Variants in KRTAP10-1 observed in about 807,000 individuals in gnomAD.
KRTAP10-1 encodes keratin-associated protein 10-1.
For synonymous variants in KRTAP10-1, 155 were observed against 153.3 expected (o/e 1.01, Z -0.08); for missense variants, 364 against 369.2 (o/e 0.99, Z 0.12).
At position 44,540,117 on chromosome 21, in the gene KRTAP10-1, C is replaced by T. The variant is rs782420165; in HGVS notation, c.34G>A (p.Ala12Thr). 20 of 1,613,604 alleles carry T rather than the reference C, an allele frequency of 1.2e-5. No individual in the cohort carries two copies. The highest frequency in any genetic ancestry group is 1.2e-4 in the Admixed American group (7 of 59,996). ...TCCACCTGCCAGGAGTCGGAGCAAG[C>T]GCTGGAGCAGACGGACATGGTGGAC... ...AASTMSVCSS[A>T]CSDSWQVDAC... Residue 12 changes from alanine (A) to threonine (T), a missense_variant, in exon 1 of 1, where the codon GCT becomes ACT. Coordinates refer to ENST00000400375, the MANE Select transcript of KRTAP10-1 (RefSeq NM_198691.3).
At position 44,538,999 on chromosome 21, in the gene KRTAP10-1, T is replaced by A; in HGVS notation, c.*303A>T. ...AAGAGAATCAGGTGACCAAGGAGAG[T>A]TTATTGGGGAGCAGGAGGAGGTGCT... On this transcript the variant is annotated 3_prime_UTR_variant, in exon 1 of 1. Coordinates refer to ENST00000400375, the MANE Select transcript of KRTAP10-1 (RefSeq NM_198691.3). The A allele has an allele frequency of 5.8e-6, 3 of 521,494 alleles. No homozygotes were observed. Among genetic ancestry groups the A allele is most frequent in the South Asian group, 2.8e-5 (1 of 35,924 alleles). 32.3% of individuals were successfully genotyped at this position (521,494 alleles called of 1,614,324 possible).
chr21:44,539,848 C>T lies in KRTAP10-1; in HGVS notation c.303G>A (p.Val101=). Residue 101 remains valine, a synonymous_variant, in exon 1 of 1, where the codon GTG becomes GTA. Transcript: ENST00000400375. ...TSSPCQQACC[V]PVCCKPVCCL... is the part of the protein sequence containing the mutation. ...AGCACACAGGCTTGCAGCAGACGGG[C>T]ACGCAGCAGGCCTGCTGGCAGGGGG... 1 of 1,576,028 alleles carries T rather than the reference C, an allele frequency of 6.3e-7. No homozygotes were observed. Among genetic ancestry groups the T allele is most frequent in the African/African-American group, 1.4e-5 (1 of 73,336 alleles).
rs377055136 is a variant in KRTAP10-1 at position 44,539,474 on chromosome 21, C to T, written c.677G>A (p.Cys226Tyr). 7.4e-6 allele frequency: 12 copies of T among 1,613,638 alleles called. No individual in the cohort carries two copies. The African/African-American group carries it at 1.6e-4, about 22-fold the overall frequency. The change falls in exon 1 of 1, where the codon TGC (cysteine) becomes TAC (tyrosine). Residue 226 changes from cysteine (C) to tyrosine (Y), a missense_variant. By Grantham distance (194) the Cys-to-Tyr change is radical. Coordinates refer to ENST00000400375, the MANE Select transcript of KRTAP10-1 (RefSeq NM_198691.3). The stretch of plus-strand genomic sequence containing the variant: ...GAGGGACACGGAGGAGGAGGGTCTG[C>T]AGCAGGAGGTGGTGCAGCAAGCCGG... The part of the protein sequence containing the change: ...CQPACCTTSC[C>Y]RPSSSVSLLC...
rs782541737 is a variant in KRTAP10-1, at chr21:44,539,894, T to A, written c.257A>T (p.Gln86Leu). The change falls in exon 1 of 1, where the codon CAG (glutamine) becomes CTG (leucine). Residue 86 changes from glutamine to leucine, a missense_variant. By Grantham distance (113) the Gln-to-Leu change is moderately radical (BLOSUM62 -2). Transcript: ENST00000400375. ...GGGGGAGGAGGTGCAGCAAGCCGGCTGGCAGCTAGACTGCTGGCAGCACGA... is the reference window on the plus strand; with the variant it reads ...GGGGGAGGAGGTGCAGCAAGCCGGCAGGCAGCTAGACTGCTGGCAGCACGA... ...TPSCCQQSSC[Q>L]PACCTSSPCQ... is the part of the protein sequence containing the mutation. The A allele has an allele frequency of 1.1e-5, 17 of 1,613,950 alleles. No individual in the cohort carries two copies. The highest frequency in any genetic ancestry group is 8.3e-5 in the Admixed American group (5 of 59,996).
At position 44,540,096 on chromosome 21, in the gene KRTAP10-1, C is replaced by G; in HGVS notation, c.55G>C (p.Val19Leu). 1.2e-6 allele frequency: 2 copies of G among 1,613,774 alleles called. No homozygotes were observed. The highest frequency in any genetic ancestry group is 8.5e-7 in the Non-Finnish European group (1 of 1,179,958). Residue 19 changes from valine (V) to leucine (L), a missense_variant, in exon 1 of 1, where the codon GTG (valine) becomes CTG (leucine). By Grantham distance (32) the Val-to-Leu change is conservative. Coordinates refer to ENST00000400375, the MANE Select transcript of KRTAP10-1 (RefSeq NM_198691.3). ...CSSACSDSWQ[V>L]DACPESCCEP... ...CAGCAGCTCTCTGGGCAGGCATCCA[C>G]CTGCCAGGAGTCGGAGCAAGCGCTG...
chr21:44,539,554 A>C lies in KRTAP10-1; in HGVS notation c.597T>G (p.Cys199Trp). ...CKPVCCKPICCVPVCSGASTS... is the reference protein window; with the variant it reads ...CKPVCCKPICWVPVCSGASTS... The stretch of plus-strand genomic sequence containing the variant: ...TGGAAGCCCCAGAGCAGACGGGCAC[A>C]CAGCAGATGGGCTTGCAGCAGACAG... The change falls in exon 1 of 1, where the codon TGT becomes TGG. Residue 199 changes from cysteine (C) to tryptophan (W), a missense_variant. Coordinates refer to ENST00000400375, the MANE Select transcript of KRTAP10-1 (RefSeq NM_198691.3). 6.2e-7 allele frequency: 1 copy of C among 1,613,442 alleles called. No individual in the cohort carries two copies. Among genetic ancestry groups the C allele is most frequent in the African/African-American group, 1.3e-5 (1 of 74,794 alleles).
rs2146000408 is a variant in KRTAP10-1 at position 44,539,244 on chromosome 21, C to T, written c.*58G>A. 6.3e-7 allele frequency: 1 copy of T among 1,577,236 alleles called. No homozygotes were observed. Among genetic ancestry groups the T allele is most frequent in the East Asian group, 2.2e-5 (1 of 44,596 alleles). ...ACCTAACCCAGGTCAGGAACTGAGC[C>T]CAGCTGGCCCAGGGCGGGTGCCCAT... On this transcript the variant is annotated 3_prime_UTR_variant, in exon 1 of 1. Coordinates refer to ENST00000400375, the MANE Select transcript of KRTAP10-1 (RefSeq NM_198691.3).
In KRTAP10-1 at chr21:44,539,436, C is replaced by T. The variant is rs200858515; in HGVS notation, c.715G>A (p.Val239Ile). Reference sequence around the variant, plus strand: ...GGCATACAGCAGGCGGGCCGGCATACAGGGCGGCAGAGGAGGGACACGGAG... The same window carrying T: ...GGCATACAGCAGGCGGGCCGGCATATAGGGCGGCAGAGGAGGGACACGGAG... Reference protein sequence around the residue: ...SSSVSLLCRPVCRPACCMPVS... With the variant: ...SSSVSLLCRPICRPACCMPVS... The change falls in exon 1 of 1, where the codon GTA (valine) becomes ATA (isoleucine). Residue 239 changes from valine (V) to isoleucine (I), a missense_variant. Transcript: ENST00000400375. 2,484 of 1,602,946 alleles carry T rather than the reference C, an allele frequency of 1.5e-3. 1 individual carries two copies. The highest frequency in any genetic ancestry group is 1.9e-3 in the Non-Finnish European group (2,196 of 1,170,494).
Position 44,539,126 on chromosome 21 carries a change from G to A in KRTAP10-1, c.*176C>T. On this transcript the variant is annotated 3_prime_UTR_variant, in exon 1 of 1. Transcript: ENST00000400375. Reference sequence around the variant, plus strand: ...GGCACCTGCTGGAAGGCAAGAGCTGGGGAGCTGCAAGGATGGAGGCTCCTG... The same window carrying A: ...GGCACCTGCTGGAAGGCAAGAGCTGAGGAGCTGCAAGGATGGAGGCTCCTG... 8.8e-7 allele frequency: 1 copy of A among 1,132,796 alleles called. No homozygotes were observed. 70.2% of individuals were successfully genotyped at this position (1,132,796 alleles called of 1,614,324 possible).
chr21:44,539,580 G>A lies in KRTAP10-1; in HGVS notation c.571C>T (p.Pro191Ser). 1.2e-6 allele frequency: 2 copies of A among 1,613,614 alleles called. No individual in the cohort carries two copies. The highest frequency in any genetic ancestry group is 1.7e-6 in the Non-Finnish European group (2 of 1,179,872). Reference sequence around the variant, plus strand: ...CAGCAGATGGGCTTGCAGCAGACAGGCTTGCAACGGACGGGCACGCAGCAG... The same window carrying A: ...CAGCAGATGGGCTTGCAGCAGACAGACTTGCAACGGACGGGCACGCAGCAG... ...QACCVPVRCK[P>S]VCCKPICCVP... Residue 191 changes from proline (P) to serine (S), a missense_variant, in exon 1 of 1, where the codon CCT becomes TCT. Transcript: ENST00000400375.
Position 44,539,178 on chromosome 21 carries a change from C to G in KRTAP10-1, c.*124G>C. On this transcript the variant is annotated 3_prime_UTR_variant, in exon 1 of 1. Transcript: ENST00000400375. Reference sequence around the variant, plus strand: ...GAGCAAGGAGGGGGGGTCACCTCAGCACAGGGGAGACACGGGGACCCGTCC... The same window carrying G: ...GAGCAAGGAGGGGGGGTCACCTCAGGACAGGGGAGACACGGGGACCCGTCC... 1 of 1,463,878 alleles carries G rather than the reference C, an allele frequency of 6.8e-7. No homozygotes were observed. The highest frequency in any genetic ancestry group is 1.3e-5 in the South Asian group (1 of 74,202). 90.7% of individuals were successfully genotyped at this position (1,463,878 alleles called of 1,614,324 possible). A position where few individuals can be genotyped will look rare whatever the true frequency, so the allele number is the denominator to read the frequency against.
rs781978477 is a variant in KRTAP10-1, at chr21:44,540,163, AGGAGGTGAGCTGCG to A, written c.-27_-14del. ...TGGACGCGGCCATGCTGGGGTGGGG[AGGAGGTGAGCTGCG>A]GGAGGTGTGAGTGAGTGAGTGTGGG... On this transcript the variant is annotated 5_prime_UTR_variant, in exon 1 of 1. Transcript: ENST00000400375. 1.4e-5 allele frequency: 23 copies of A among 1,610,092 alleles called. No homozygotes were observed. In the South Asian group the frequency reaches 2.5e-4, roughly 18 times the overall value.
At position 44,539,938 on chromosome 21, in the gene KRTAP10-1, G is replaced by A. The variant is rs142496686; in HGVS notation, c.213C>T (p.Cys71=). Reference sequence around the variant, plus strand: ...AGCACGAGGGCGTGCAGGAGCTGGTGCAGCCTGATTGGCAGGGGCTGGGCT... The same window carrying A: ...AGCACGAGGGCGTGCAGGAGCTGGTACAGCCTGATTGGCAGGGGCTGGGCT... The part of the protein sequence containing the change: ...ACEPSPCQSG[C]TSSCTPSCCQ... The change falls in exon 1 of 1, where the codon TGC becomes TGT. Residue 71 remains cysteine (C), a synonymous_variant. Coordinates refer to ENST00000400375, the MANE Select transcript of KRTAP10-1 (RefSeq NM_198691.3). 7,050 of 1,613,744 alleles carry A rather than the reference G, an allele frequency of 4.4e-3. 240 individuals carry two copies. In the African/African-American group the frequency reaches 0.081, roughly 18 times the overall value.
Position 44,540,069 on chromosome 21 carries a change from C to T in KRTAP10-1, c.82G>A (p.Glu28Lys), listed in dbSNP as rs782783233. 5.0e-6 allele frequency: 8 copies of T among 1,613,440 alleles called. No individual in the cohort carries two copies. The South Asian group carries it at 7.7e-5, about 16-fold the overall frequency. Residue 28 changes from glutamate (E) to lysine (K), a missense_variant, in exon 1 of 1, where the codon GAG becomes AAG. By Grantham distance (56) the Glu-to-Lys change is moderately conservative. Coordinates refer to ENST00000400375, the MANE Select transcript of KRTAP10-1 (RefSeq NM_198691.3). Reference protein sequence around the residue: ...QVDACPESCCEPHCCALSCCA... With the variant: ...QVDACPESCCKPHCCALSCCA... The stretch of plus-strand genomic sequence containing the variant: ...CAGCTGAGGGCGCAGCAGTGGGGCT[C>T]ACAGCAGCTCTCTGGGCAGGCATCC...
Position 44,539,631 on chromosome 21 carries a change from A to G in KRTAP10-1, c.520T>C (p.Cys174Arg), listed in dbSNP as rs2053171047. 6.2e-7 allele frequency: 1 copy of G among 1,613,464 alleles called. No individual in the cohort carries two copies. Among genetic ancestry groups the G allele is most frequent in the African/African-American group, 1.3e-5 (1 of 74,798 alleles). ...GCCTGCTGGCAGGGGGAGGAGGTGC[A>G]GCAAGCTGGATGGCAGCTAGACTGC... is the stretch of plus-strand genomic sequence containing the variant. The part of the protein sequence containing the change: ...CQQSSCHPAC[C>R]TSSPCQQACC... The change falls in exon 1 of 1, where the codon TGC (cysteine) becomes CGC (arginine). Residue 174 changes from cysteine to arginine, a missense_variant. Cys to Arg is a radical substitution (Grantham distance 180). Transcript: ENST00000400375.
Position 44,540,062 on chromosome 21 carries a change from T to G in KRTAP10-1, c.89A>C (p.His30Pro), listed in dbSNP as rs140753192. Residue 30 changes from histidine to proline, a missense_variant, in exon 1 of 1, where the codon CAC becomes CCC. Physicochemically the swap from His to Pro is moderately conservative, Grantham distance 77. Coordinates refer to ENST00000400375, the MANE Select transcript of KRTAP10-1 (RefSeq NM_198691.3). ...DACPESCCEP[H>P]CCALSCCAPA... Reference sequence around the variant, plus strand: ...GGCGCAGCAGCTGAGGGCGCAGCAGTGGGGCTCACAGCAGCTCTCTGGGCA... The same window carrying G: ...GGCGCAGCAGCTGAGGGCGCAGCAGGGGGGCTCACAGCAGCTCTCTGGGCA... The G allele has an allele frequency of 3.8e-3, 6,138 of 1,612,956 alleles. 24 individuals are homozygous for G. Among genetic ancestry groups the G allele is most frequent in the Middle Eastern group, 0.024 (135 of 5,680 alleles).
At position 44,539,651 on chromosome 21, in the gene KRTAP10-1, G is replaced by A. The variant is rs2053171678; in HGVS notation, c.500C>T (p.Ser167Phe). 3 of 1,596,266 alleles carry A rather than the reference G, an allele frequency of 1.9e-6. No individual in the cohort carries two copies. Among genetic ancestry groups the A allele is most frequent in the Non-Finnish European group, 2.6e-6 (3 of 1,170,484 alleles). The change falls in exon 1 of 1, where the codon TCT becomes TTT. Residue 167 changes from serine to phenylalanine, a missense_variant. Physicochemically the swap from Ser to Phe is radical, Grantham distance 155. Transcript: ENST00000400375. ...GGTGCAGCAAGCTGGATGGCAGCTAGACTGCTGGCAGCATGAAGAGGAATC... is the reference window on the plus strand; with the variant it reads ...GGTGCAGCAAGCTGGATGGCAGCTAAACTGCTGGCAGCATGAAGAGGAATC... ...SEDSSSCCQQSSCHPACCTSS... is the reference protein window; with the variant it reads ...SEDSSSCCQQFSCHPACCTSS...
At position 44,539,625 on chromosome 21, in the gene KRTAP10-1, A is replaced by C. The variant is rs782121574; in HGVS notation, c.526T>G (p.Ser176Ala). ...QSSCHPACCT[S>A]SPCQQACCVP... ...CAGCAGGCCTGCTGGCAGGGGGAGG[A>C]GGTGCAGCAAGCTGGATGGCAGCTA... The change falls in exon 1 of 1, where the codon TCC (serine) becomes GCC (alanine). Residue 176 changes from serine (S) to alanine (A), a missense_variant. By Grantham distance (99) the Ser-to-Ala change is moderately conservative. Transcript: ENST00000400375. 5 of 1,612,662 alleles carry C rather than the reference A, an allele frequency of 3.1e-6. No individual in the cohort carries two copies. Among genetic ancestry groups the C allele is most frequent in the Admixed American group, 3.3e-5 (2 of 59,926 alleles).
rs782514561 is a variant in KRTAP10-1, at chr21:44,539,167, G to C, written c.*135C>G. 3.6e-6 allele frequency: 5 copies of C among 1,406,164 alleles called. No homozygotes were observed. Among genetic ancestry groups the C allele is most frequent in the Admixed American group, 5.5e-5 (2 of 36,428 alleles). The allele number at this position is 1,406,164 out of a possible 1,614,324, so 87.1% of individuals were successfully genotyped here. A position where few individuals can be genotyped will look rare whatever the true frequency, so the allele number is the denominator to read the frequency against. ...GAGGCTCCTGGGAGCAAGGAGGGGG[G>C]GTCACCTCAGCACAGGGGAGACACG... On this transcript the variant is annotated 3_prime_UTR_variant, in exon 1 of 1. Transcript: ENST00000400375.
Sources: allele counts gnomAD v4.1 joint callset, GRCh38; gene constraint gnomAD v4.1.1; transcripts MANE v1.5; gene names NCBI Gene and HGNC (gene_info 2026-07-23, HGNC 2026-07-21).